MACROD2: variants seen among roughly 807,000 people sequenced by gnomAD.
The protein encoded by MACROD2 is ADP-ribose glycohydrolase MACROD2.
Under a neutral mutation model 70.4 loss-of-function variants are expected in MACROD2, and 36 were observed. That is an observed-to-expected ratio of 0.51 (90% CI 0.39 to 0.68). The LOEUF is 0.68. Ranked by LOEUF, MACROD2 falls within the 30% of genes least tolerant of loss-of-function variation. The pLI is 0.00. For missense variants in MACROD2, 496 were observed against 538.4 expected (o/e 0.92, Z 0.78); for synonymous variants, 172 against 178.8 (o/e 0.96, Z 0.30).
intron 5 of MACROD2, among the ~76,000 whole-genome samples, chr20:15,061,215 G>C (rs2075530068): frequency 6.6e-6 from 1 of 152,108 alleles, no homozygotes; most frequent in Non-Finnish European, 1.5e-5. Context: ...GAGCTGTCTT[G>C]CCCTGCCCAC....
intron 5 of MACROD2, among the ~76,000 whole-genome samples, chr20:15,061,625 C>A (rs944712790): frequency 1.3e-5 from 2 of 152,178 alleles, no homozygotes; most frequent in Non-Finnish European, 2.9e-5. Flanking sequence ...CTAATGCCTT[C>A]TCCATGGCTC....
intron 8 of MACROD2, among the ~76,000 whole-genome samples, chr20:15,660,317 A>G (rs943768392): frequency 1.4e-4 from 22 of 152,290 alleles, no homozygotes; most frequent in African/African-American, 5.3e-4. Context: ...GACTGTTTTC[A>G]TTTGACATGT....
chr20:14,514,548 G>T (rs563095135), intron 4 of MACROD2, among the ~76,000 whole-genome samples: 1 of 152,174 alleles, frequency 6.6e-6, no homozygotes, highest in African/African-American at 2.4e-5. Flanking sequence ...TTAGACTACT[G>T]CATGGGCACA....
At chr20:14,181,674 T>C (rs2081306633) in intron 3 of MACROD2, among the ~76,000 whole-genome samples, 1 of 152,078 alleles carries the variant, frequency 6.6e-6, no homozygotes. Flanking sequence ...AGTCACTAAT[T>C]TACTTTTCAT....
intron 3 of MACROD2, among the ~76,000 whole-genome samples, chr20:14,188,446 T>A (rs966626323): frequency 3.3e-5 from 5 of 152,184 alleles, no homozygotes; most frequent in Non-Finnish European, 7.4e-5. Context: ...TAGATAATAT[T>A]CCAAAGCTTA....
At chr20:15,763,172 A>G (rs1411147244) in intron 8 of MACROD2, among the ~76,000 whole-genome samples, 4 of 152,104 alleles carry the variant, frequency 2.6e-5, no homozygotes, top group African/African-American at 9.7e-5. Context: ...CCCTCTGCGC[A>G]CCGCCACTGA....
chr20:15,220,588 C>T (rs139982451), intron 5 of MACROD2, among the ~76,000 whole-genome samples: 2 of 152,158 alleles, frequency 1.3e-5, no homozygotes, highest in Non-Finnish European at 2.9e-5. Flanking sequence ...CAGAAATGTT[C>T]GTGTTCAAAG....
intron 3 of MACROD2, among the ~76,000 whole-genome samples, chr20:14,351,129 C>T (rs1266492866): frequency 6.6e-6 from 1 of 152,092 alleles, no homozygotes; most frequent in Non-Finnish European, 1.5e-5. Context: ...TATGCCAGTA[C>T]CATGCTGTTT....
chr20:15,918,047 T>C (rs1229080837), intron 10 of MACROD2, among the ~76,000 whole-genome samples: 2 of 152,204 alleles, frequency 1.3e-5, no homozygotes, highest in Non-Finnish European at 2.9e-5. Flanking sequence ...TGGGGAGTTC[T>C]ATGAATAAAT....
intron 8 of MACROD2, among the ~76,000 whole-genome samples, chr20:15,591,340 G>A (rs560246549): frequency 6.6e-6 from 1 of 152,104 alleles, no homozygotes; most frequent in South Asian, 2.1e-4. Flanking sequence ...CTCTGTCCAG[G>A]GAATACTGGC....
chr20:15,123,452 T>C (rs1479512814), intron 5 of MACROD2, among the ~76,000 whole-genome samples: 1 of 152,182 alleles, frequency 6.6e-6, no homozygotes, highest in East Asian at 1.9e-4. Flanking sequence ...CAAAGTGAGA[T>C]GCATTGTAAG....
intron 5 of MACROD2, among the ~76,000 whole-genome samples, chr20:15,157,897 G>T (rs1280580498): frequency 6.6e-6 from 1 of 152,110 alleles, no homozygotes; most frequent in Admixed American, 6.6e-5. Context: ...TGCCCTGTCA[G>T]GCCCACAGGT....
chr20:14,001,995 A>G (rs1021504031), intron 1 of MACROD2, among the ~76,000 whole-genome samples: 4 of 152,218 alleles, frequency 2.6e-5, no homozygotes, highest in African/African-American at 9.6e-5. Context: ...CTTATCCAGC[A>G]TATCACCTGG....
chr20:14,114,490 C>T (rs1293909730), intron 3 of MACROD2, among the ~76,000 whole-genome samples: 4 of 152,134 alleles, frequency 2.6e-5, no homozygotes, highest in Non-Finnish European at 5.9e-5. Flanking sequence ...TAGTAGCCTC[C>T]CCCTTTTATG....
At chr20:15,212,314 C>T (rs991066952) in intron 5 of MACROD2, among the ~76,000 whole-genome samples, 1 of 152,182 alleles carries the variant, frequency 6.6e-6, no homozygotes, top group Admixed American at 6.5e-5. Flanking sequence ...AATTAGTGCA[C>T]ATGCACACCC....
chr20:14,609,166 TA>T (rs1326653066), intron 4 of MACROD2, among the ~76,000 whole-genome samples: 1 of 151,814 alleles, frequency 6.6e-6, no homozygotes, highest in Non-Finnish European at 1.5e-5. Flanking sequence ...AGAAGGAAAA[TA>T]AATTAAGAGA....
At chr20:15,174,231 C>A (rs967102153) in intron 5 of MACROD2, among the ~76,000 whole-genome samples, 1 of 152,138 alleles carries the variant, frequency 6.6e-6, no homozygotes, top group Non-Finnish European at 1.5e-5. Context: ...TGTATGGTTT[C>A]TTCATATCTG....
intron 8 of MACROD2, among the ~76,000 whole-genome samples, chr20:15,565,630 TTTAGAGACAAGGTCTCACTCTG>T (rs1260813146): frequency 2.8e-4 from 42 of 152,212 alleles, no homozygotes; most frequent in African/African-American, 9.9e-4. Context: ...TGTTTGTTTG[TTTAGAGACAAGGTCTCACTCTG>T]TTACACAGGC....
intron 5 of MACROD2, among the ~76,000 whole-genome samples, chr20:15,091,677 G>A (rs917112203): frequency 6.6e-6 from 1 of 151,796 alleles, no homozygotes; most frequent in South Asian, 2.1e-4. Context: ...GAAAATAGGT[G>A]GTCTTTTTCA....
Sources: gnomAD v4.1 joint callset for allele counts (sites outside exome capture counted in the v4.1 genomes callset) on GRCh38, gnomAD v4.1.1 for gene constraint, MANE v1.5 for transcripts, NCBI Gene and HGNC (gene_info 2026-07-23, HGNC 2026-07-21) for gene names.